The following LEF1 variants were observed in gnomAD, a reference collection of about 807,000 sequenced individuals.
LEF1 encodes lymphoid enhancer-binding factor 1.
Under a neutral mutation model 51.2 loss-of-function variants are expected in LEF1, and 14 were observed. That is an observed-to-expected ratio of 0.27 (90% CI 0.18 to 0.43). The LOEUF (loss-of-function observed/expected upper bound fraction) is 0.43, where lower values mean the gene tolerates loss of function less well. Among genes scored for constraint, LEF1 ranks in the 20% least tolerant of loss-of-function variants. The pLI is 1.00. For missense variants in LEF1, 386 were observed against 512.0 expected (o/e 0.75, Z 2.37); for synonymous variants, 185 against 183.2 (o/e 1.01, Z -0.08).
intron 3 of LEF1, among the ~76,000 whole-genome samples, chr4:108,108,393 G>A (rs1741308349): frequency 6.6e-6 from 1 of 152,122 alleles, no homozygotes; most frequent in Non-Finnish European, 1.5e-5. Flanking sequence ...CTCACTCGTA[G>A]TATACCCTTT....
chr4:108,061,540 C>T lies in LEF1; in HGVS notation c.*6+2083G>A, dbSNP rs796456168. On this transcript the variant is annotated intron_variant, in intron 11 of 11. Transcript: ENST00000265165. Reference sequence around the variant, plus strand: ...GAAGTGAGGTAAATCGAGTGCCAGCCCTTGGCACACTGCCATTCTGAGGGC... The same window carrying T: ...GAAGTGAGGTAAATCGAGTGCCAGCTCTTGGCACACTGCCATTCTGAGGGC... Among the ~76,000 whole-genome samples, 7 of 152,180 alleles carry T rather than the reference C, an allele frequency of 4.6e-5. 1 individual carries two copies. The highest frequency in any genetic ancestry group is 1.4e-4 in the African/African-American group (6 of 41,490).
At chr4:108,125,920 T>TTAACA (rs1355099155) in intron 3 of LEF1, among the ~76,000 whole-genome samples, 22 of 152,318 alleles carry the variant, frequency 1.4e-4, no homozygotes, top group Non-Finnish European at 5.9e-5. Context: ...CATAACAGTG[T>TTAACA]TAACACCAAT....
Position 108,047,934 on chromosome 4 carries a change from C to T in LEF1, c.*824G>A, listed in dbSNP as rs976174922. 6 of 152,582 alleles carry T rather than the reference C, an allele frequency of 3.9e-5. No individual in the cohort carries two copies. Among genetic ancestry groups the T allele is most frequent in the African/African-American group, 1.4e-4 (6 of 41,430 alleles). 9.5% of individuals were successfully genotyped at this position (152,582 alleles called of 1,614,324 possible). A position where few individuals can be genotyped will look rare whatever the true frequency, so the allele number is the denominator to read the frequency against. On this transcript the variant is annotated 3_prime_UTR_variant, in exon 12 of 12. Transcript: ENST00000265165. ...ACTGAAATAGGGCTGCCAATTGCTACCAACAGAGTGGGTTTGGCTATTACA... is the reference window on the plus strand; with the variant it reads ...ACTGAAATAGGGCTGCCAATTGCTATCAACAGAGTGGGTTTGGCTATTACA...
chr4:108,140,281 A>T (rs1743557601), intron 3 of LEF1, among the ~76,000 whole-genome samples: 1 of 152,184 alleles, frequency 6.6e-6, no homozygotes, highest in Non-Finnish European at 1.5e-5. Flanking sequence ...GTTTGAAAAG[A>T]ACTGGCAACC....
chr4:108,090,809 T>A (rs1739971715), intron 3 of LEF1, among the ~76,000 whole-genome samples: 2 of 152,298 alleles, frequency 1.3e-5, no homozygotes, highest in African/African-American at 2.4e-5. Flanking sequence ...TAACCGTATT[T>A]TTATACCCAT....
intron 4 of LEF1, among the ~76,000 whole-genome samples, chr4:108,086,535 G>A (rs1739656669): frequency 6.6e-6 from 1 of 152,134 alleles, no homozygotes; most frequent in African/African-American, 2.4e-5. Flanking sequence ...AGACTATATG[G>A]ATATACAGCT....
At chr4:108,130,378 C>T (rs533442098) in intron 3 of LEF1, among the ~76,000 whole-genome samples, 1 of 152,068 alleles carries the variant, frequency 6.6e-6, no homozygotes, top group Admixed American at 6.6e-5. Context: ...TCCTATGATG[C>T]TGCACTATCA....
rs1011948864 is a variant in LEF1, at chr4:108,063,613, T to C, written c.*6+10A>G. On this transcript the variant is annotated intron_variant, in intron 11 of 11. Transcript: ENST00000265165. ...TAACGTCAGCAGTAGGACCAGAGAG[T>C]CGTTCTTACCATGTTTCAGATGTAG... 1.3e-6 allele frequency: 2 copies of C among 1,590,190 alleles called. No homozygotes were observed. Among genetic ancestry groups the C allele is most frequent in the Admixed American group, 3.7e-5 (2 of 53,700 alleles).
chr4:108,138,693 G>A (rs1011071895), intron 3 of LEF1, among the ~76,000 whole-genome samples: 2 of 152,232 alleles, frequency 1.3e-5, no homozygotes, highest in African/African-American at 4.8e-5. Context: ...GATTATGGGG[G>A]CTAGCCCCAA....
chr4:108,125,805 T>C (rs1399830790), intron 3 of LEF1, among the ~76,000 whole-genome samples: 2 of 152,000 alleles, frequency 1.3e-5, no homozygotes, highest in Admixed American at 6.6e-5. Context: ...AGTACAGCAG[T>C]GTGACTGTGC....
chr4:108,086,807 C>T (rs998553447), intron 4 of LEF1, among the ~76,000 whole-genome samples: 1 of 134,358 alleles, frequency 7.4e-6, no homozygotes, highest in Non-Finnish European at 1.7e-5. Context: ...CATTAATGTA[C>T]TGTCCCTTAC....
rs1199547513 is a variant in LEF1, at chr4:108,167,295, A to G, written c.213+260T>C. The stretch of plus-strand genomic sequence containing the variant: ...CCGCGAACCAACCGTTCAGCCACCG[A>G]ACCCCCTAAACTGATCCATTTGGAA... On this transcript the variant is annotated intron_variant, in intron 1 of 11. Coordinates refer to ENST00000265165, the MANE Select transcript of LEF1 (RefSeq NM_016269.5). The surrounding 1 kb of genome is among the most constrained non-coding windows in gnomAD (Gnocchi z 5.7). Among the ~76,000 whole-genome samples the G allele has an allele frequency of 6.6e-6, 1 of 150,770 alleles. No homozygotes were observed. The highest frequency in any genetic ancestry group is 1.5e-5 in the Non-Finnish European group (1 of 67,836).
Position 108,048,657 on chromosome 4 carries a change from A to G in LEF1, c.*101T>C. On this transcript the variant is annotated 3_prime_UTR_variant, in exon 12 of 12. Coordinates refer to ENST00000265165, the MANE Select transcript of LEF1 (RefSeq NM_016269.5). ...TTGGGGTCGACTGGGCAGGCCGTGG[A>G]GACAGTCTGGGTTTTCAACAAGCTT... The G allele has an allele frequency of 1.3e-6, 2 of 1,573,772 alleles. No individual in the cohort carries two copies. The highest frequency in any genetic ancestry group is 4.6e-5 in the East Asian group (2 of 43,764).
At chr4:108,136,072 A>G (rs1242939428) in intron 3 of LEF1, among the ~76,000 whole-genome samples, 1 of 152,244 alleles carries the variant, frequency 6.6e-6, no homozygotes, top group South Asian at 2.1e-4. Flanking sequence ...GAAATCTTTC[A>G]AGGGTTAAAA....
chr4:108,112,728 G>A (rs10011173), intron 3 of LEF1, among the ~76,000 whole-genome samples: 84,385 of 152,034 alleles, frequency 0.56, 24,632 homozygotes, highest in Middle Eastern at 0.75. Flanking sequence ...AGATAAATCA[G>A]CATCAGCTGC....
chr4:108,090,553 CTTAT>C (rs1181722620), intron 3 of LEF1, among the ~76,000 whole-genome samples: 2 of 151,914 alleles, frequency 1.3e-5, no homozygotes, highest in African/African-American at 4.8e-5. Context: ...AGTAAAATCA[CTTAT>C]TTATTTATTA....
At chr4:108,054,089 A>G (rs1560753258) in intron 11 of LEF1, among the ~76,000 whole-genome samples, 1 of 152,102 alleles carries the variant, frequency 6.6e-6, no homozygotes, top group Non-Finnish European at 1.5e-5. Flanking sequence ...AAGCACAGGG[A>G]GGTGATAACT....
Position 108,081,518 on chromosome 4 carries a change from G to A in LEF1, c.722+68C>T. 14 of 1,284,102 alleles carry A rather than the reference G, an allele frequency of 1.1e-5. 1 individual carries two copies. The South Asian group carries it at 1.6e-4, about 14-fold the overall frequency. The allele number at this position is 1,284,102 out of a possible 1,614,324, so 79.5% of individuals were successfully genotyped here. On this transcript the variant is annotated intron_variant, in intron 6 of 11. Transcript: ENST00000265165. Reference sequence around the variant, plus strand: ...CCTAGCCAACCAAAAGGCAAGCAGAGGCGCACAGGATGCAAGCACGAGAAG... The same window carrying A: ...CCTAGCCAACCAAAAGGCAAGCAGAAGCGCACAGGATGCAAGCACGAGAAG...
chr4:108,048,756 AG>A lies in LEF1; in HGVS notation c.*7-6del, dbSNP rs1180320796. 2.5e-6 allele frequency: 4 copies of A among 1,597,358 alleles called. No homozygotes were observed. The highest frequency in any genetic ancestry group is 3.4e-6 in the Non-Finnish European group (4 of 1,170,970). ...GGAATGAGCTTCGTTTTCCACCTCA[AG>A]AAGGAACAAATGAAATGCTATTAAT... On this transcript the variant is annotated splice_region_variant and splice_polypyrimidine_tract_variant and intron_variant, in intron 11 of 11. Coordinates refer to ENST00000265165, the MANE Select transcript of LEF1 (RefSeq NM_016269.5).
Sources: allele counts gnomAD v4.1 joint callset (sites outside exome capture counted in the v4.1 genomes callset), GRCh38; gene constraint gnomAD v4.1.1; non-coding constraint Gnocchi (gnomAD v3.1); transcripts MANE v1.5; gene names NCBI Gene and HGNC (gene_info 2026-07-23, HGNC 2026-07-21).